The following GPC6 variants were observed in gnomAD, a reference collection of about 807,000 sequenced individuals.
GPC6 encodes the protein glypican-6.
Under a neutral mutation model 55.2 loss-of-function variants are expected in GPC6, and 14 were observed. The ratio of observed to expected loss-of-function variants is 0.25; its 90% CI spans 0.17 to 0.40. The LOEUF (loss-of-function observed/expected upper bound fraction) is 0.40. Among genes scored for constraint, GPC6 ranks in the 10% least tolerant of loss-of-function variants. GPC6 has a pLI of 1.00. For synonymous variants in GPC6, 278 were observed against 259.6 expected, an observed-to-expected ratio of 1.07 and a Z score of -0.68; for missense variants, 641 against 708.5, an observed-to-expected ratio of 0.90 and a Z score of 1.08.
At chr13:93,355,338 T>A (rs1038890112) in intron 1 of GPC6, among the ~76,000 whole-genome samples, 4 of 151,970 alleles carry the variant, frequency 2.6e-5, no homozygotes, top group African/African-American at 9.7e-5. Flanking sequence ...TGACACTAGG[T>A]GAAATAGGAT....
At chr13:93,421,088 G>A (rs929139753) in intron 1 of GPC6, among the ~76,000 whole-genome samples, 3 of 152,098 alleles carry the variant, frequency 2.0e-5, no homozygotes, top group African/African-American at 7.2e-5. Flanking sequence ...ATTGAGTGAC[G>A]GCGGCGTGGG....
chr13:93,390,821 G>A (rs550510081), intron 1 of GPC6, among the ~76,000 whole-genome samples: 1 of 150,522 alleles, frequency 6.6e-6, no homozygotes, highest in South Asian at 2.1e-4. Flanking sequence ...AAATCTTGGG[G>A]ACATTGGTGT....
At chr13:94,207,366 T>C (rs1169997756) in intron 4 of GPC6, among the ~76,000 whole-genome samples, 1 of 152,208 alleles carries the variant, frequency 6.6e-6, no homozygotes, top group Admixed American at 6.5e-5. Context: ...ATATTTCCGA[T>C]CTTCCCACTA....
rs928078897 is a variant in GPC6, at chr13:93,965,196, G to T, written c.712-62533G>T. Among the ~76,000 whole-genome samples, 12 of 145,844 alleles carry T rather than the reference G, an allele frequency of 8.2e-5. No homozygotes were observed. The South Asian group carries it at 2.7e-3, about 32-fold the overall frequency. On this transcript the variant is annotated intron_variant, in intron 3 of 8. Transcript: ENST00000377047. ...GGAGGCTGATGCGGGCAGATCACAC[G>T]GTCAGGAGATTGAGACCATCCTGGC...
intron 3 of GPC6, among the ~76,000 whole-genome samples, chr13:93,834,918 C>T (rs2138988827): frequency 6.6e-6 from 1 of 152,184 alleles, no homozygotes; most frequent in African/African-American, 2.4e-5. Flanking sequence ...AGCACTGTCC[C>T]TTTATTAAAA....
intron 3 of GPC6, among the ~76,000 whole-genome samples, chr13:93,903,224 A>G (rs1876462078): frequency 2.0e-5 from 3 of 152,204 alleles, no homozygotes; most frequent in Admixed American, 1.3e-4. Context: ...AAATGGAGTT[A>G]CATACATCAA....
chr13:93,996,270 G>A (rs766599143), intron 3 of GPC6, among the ~76,000 whole-genome samples: 12 of 152,158 alleles, frequency 7.9e-5, no homozygotes, highest in South Asian at 2.1e-4. Flanking sequence ...CAGAAAACAC[G>A]CTAAGGCTGA....
chr13:93,532,041 A>G (rs766566963), intron 1 of GPC6, among the ~76,000 whole-genome samples: 17 of 152,338 alleles, frequency 1.1e-4, no homozygotes, highest in Middle Eastern at 3.4e-3. Flanking sequence ...ACAGATGTCA[A>G]ATTTCCCTTG....
chr13:94,044,584 T>A (rs1883657829), intron 4 of GPC6, among the ~76,000 whole-genome samples: 1 of 151,928 alleles, frequency 6.6e-6, no homozygotes, highest in Non-Finnish European at 1.5e-5. Flanking sequence ...CTATAATGAT[T>A]GACTTAATGA....
chr13:93,725,737 C>T (rs544835386), intron 2 of GPC6, among the ~76,000 whole-genome samples: 2 of 151,750 alleles, frequency 1.3e-5, no homozygotes, highest in Non-Finnish European at 2.9e-5. Flanking sequence ...CATCTATATC[C>T]AATAGATGAT....
At chr13:93,537,418 A>C (rs1436485902) in intron 1 of GPC6, among the ~76,000 whole-genome samples, 3 of 152,208 alleles carry the variant, frequency 2.0e-5, no homozygotes, top group Non-Finnish European at 4.4e-5. Context: ...AATTAATAGA[A>C]AATAAATGTG....
intron 2 of GPC6, among the ~76,000 whole-genome samples, chr13:93,822,354 T>C (rs1594488096): frequency 2.0e-5 from 3 of 152,300 alleles, no homozygotes; most frequent in African/African-American, 2.4e-5. Context: ...TAGGAAAATA[T>C]ACCAATCCCA....
At chr13:94,316,581 G>A (rs1266172635) in intron 6 of GPC6, among the ~76,000 whole-genome samples, 1 of 151,058 alleles carries the variant, frequency 6.6e-6, no homozygotes, top group Non-Finnish European at 1.5e-5. Context: ...GCCGGGCGTA[G>A]TGGCGGGCGC....
In GPC6 at chr13:94,363,848, G is replaced by A. The variant is rs76085432; in HGVS notation, c.1153-18566G>A. On this transcript the variant is annotated intron_variant, in intron 6 of 8. Transcript: ENST00000377047. ...CTATTGAGCAATGGAGATGTCCGGT[G>A]GAATGAACTGAGATGGACTGTAAGT... 8.5e-3 allele frequency among the ~76,000 whole-genome samples: 1,288 copies of A among 152,256 alleles called. 5 individuals carry two copies. Among genetic ancestry groups the A allele is most frequent in the Non-Finnish European group, 0.013 (888 of 68,024 alleles).
intron 1 of GPC6, among the ~76,000 whole-genome samples, chr13:93,416,066 A>T (rs1444036360): frequency 1.3e-5 from 2 of 152,064 alleles, no homozygotes; most frequent in African/African-American, 4.8e-5. Flanking sequence ...ATTGCCTCAG[A>T]CTTACACCTT....
intron 3 of GPC6, among the ~76,000 whole-genome samples, chr13:93,835,056 C>T (rs1205678633): frequency 6.6e-6 from 1 of 152,158 alleles, no homozygotes; most frequent in Non-Finnish European, 1.5e-5. Context: ...AACAGATTGT[C>T]TGCTTAAACC....
chr13:93,521,871 T>C (rs1484658947), intron 1 of GPC6, among the ~76,000 whole-genome samples: 3 of 152,002 alleles, frequency 2.0e-5, no homozygotes, highest in Non-Finnish European at 4.4e-5. Context: ...AAGTGCAGTT[T>C]ATTTTATCAT....
intron 2 of GPC6, among the ~76,000 whole-genome samples, chr13:93,759,459 C>A (rs781465758): frequency 9.9e-5 from 15 of 152,122 alleles, no homozygotes; most frequent in Non-Finnish European, 1.6e-4. Flanking sequence ...ACAAGAATAC[C>A]TAAAGTTTAC....
chr13:93,661,282 T>G (rs185292694), intron 2 of GPC6, among the ~76,000 whole-genome samples: 1 of 152,196 alleles, frequency 6.6e-6, no homozygotes, highest in Non-Finnish European at 1.5e-5. Flanking sequence ...GAAGCAATCT[T>G]GGCTCGCTGC....
Sources: allele counts gnomAD v4.1 joint callset (sites outside exome capture counted in the v4.1 genomes callset), GRCh38; gene constraint gnomAD v4.1.1; transcripts MANE v1.5; gene names NCBI Gene and HGNC (gene_info 2026-07-23, HGNC 2026-07-21).